The following PCDH15 variants were observed in gnomAD, a reference collection of about 807,000 sequenced individuals.
PCDH15 encodes the protein protocadherin-15.
In PCDH15, 129 loss-of-function variants were observed where a neutral mutation model predicts 178.5. That is an observed-to-expected ratio of 0.72 (90% CI 0.63 to 0.84). The LOEUF is 0.84. PCDH15 is among the 40% of genes least tolerant of loss of function. The pLI, the probability that PCDH15 is intolerant of heterozygous loss-of-function variation, is 0.00. For missense variants in PCDH15, 2,230 were observed against 2,099.9 expected (o/e 1.06, Z -1.21); for synonymous variants, 800 against 732.0 (o/e 1.09, Z -1.50).
chr10:54,153,077 G>T, intron 14 of PCDH15, 23 bp downstream of exon 14: 5 of 1,613,004 alleles, frequency 3.1e-6, no homozygotes, highest in Non-Finnish European at 4.2e-6. Context: ...TGAAAAGACT[G>T]CATTGGTTCT....
chr10:55,320,133 C>G (rs1843850150), upstream of PCDH15, among the ~76,000 whole-genome samples: 1 of 152,174 alleles, frequency 6.6e-6, no homozygotes, highest in Admixed American at 6.5e-5. Flanking sequence ...CGGCCACACA[C>G]CACATCACTT....
At chr10:55,273,591 T>C (rs564430779) in intron 1 of PCDH15, among the ~76,000 whole-genome samples, 2 of 152,028 alleles carry the variant, frequency 1.3e-5, no homozygotes, top group Non-Finnish European at 2.9e-5. Context: ...TATATAGATA[T>C]GTACCTAAGT....
At chr10:55,131,103 T>A (rs1434158719) in intron 2 of PCDH15, among the ~76,000 whole-genome samples, 1 of 152,156 alleles carries the variant, frequency 6.6e-6, no homozygotes, top group Non-Finnish European at 1.5e-5. Flanking sequence ...ATTCTACTGG[T>A]TTAGAAAAAT....
chr10:55,391,343 C>T (rs1837787934), intron 2 of PCDH15, among the ~76,000 whole-genome samples: 1 of 151,752 alleles, frequency 6.6e-6, no homozygotes, highest in African/African-American at 2.4e-5. Flanking sequence ...GAGTTAGGGA[C>T]TTGTTCTGTA....
At chr10:54,862,640 G>A (rs1953863970) in intron 3 of PCDH15, among the ~76,000 whole-genome samples, 2 of 152,192 alleles carry the variant, frequency 1.3e-5, no homozygotes, top group Non-Finnish European at 2.9e-5. Context: ...AAGGGGTTGA[G>A]TAGATTCTGA....
chr10:55,194,149 G>C (rs1840020664), intron 1 of PCDH15, among the ~76,000 whole-genome samples: 1 of 151,920 alleles, frequency 6.6e-6, no homozygotes, highest in South Asian at 2.1e-4. Flanking sequence ...TGGCATGTTG[G>C]TCAAGAACTT....
chr10:54,972,848 CAAAAAAAAAAAAA>C (rs750356955), intron 2 of PCDH15, among the ~76,000 whole-genome samples: 7 of 53,512 alleles, frequency 1.3e-4, no homozygotes, highest in African/African-American at 4.7e-4. Context: ...GACTCCATCT[CAAAAAAAAAAAAA>C]AAAAAAAAAG....
chr10:55,505,301 G>T (rs2132144502), intron 2 of PCDH15, among the ~76,000 whole-genome samples: 1 of 151,340 alleles, frequency 6.6e-6, no homozygotes, highest in South Asian at 2.1e-4. Flanking sequence ...AAGTAACTAT[G>T]ATCTTAGATA....
At chr10:54,634,960 G>A (rs899900770) in intron 2 of PCDH15, among the ~76,000 whole-genome samples, 5 of 151,518 alleles carry the variant, frequency 3.3e-5, no homozygotes, top group Admixed American at 1.3e-4. Flanking sequence ...GCCTCTTTAG[G>A]AAGATAGCAG....
chr10:55,134,551 G>A lies in PCDH15; in HGVS notation c.-80+32025C>T, dbSNP rs541807892. Among the ~76,000 whole-genome samples, 13 of 152,278 alleles carry A rather than the reference G, an allele frequency of 8.5e-5. 1 individual carries two copies. The South Asian group carries it at 2.7e-3, about 32-fold the overall frequency. On this transcript the variant is annotated intron_variant, in intron 2 of 5. Coordinates refer to the PCDH15 transcript ENST00000458638. Reference sequence around the variant, plus strand: ...GTTTATTTTCATCATCATGCAGCTTGTACCTTGTGATGTCCTACTCCATAA... The same window carrying A: ...GTTTATTTTCATCATCATGCAGCTTATACCTTGTGATGTCCTACTCCATAA...
At chr10:54,035,188 G>A (rs770576584) in intron 18 of PCDH15, among the ~76,000 whole-genome samples, 4 of 151,842 alleles carry the variant, frequency 2.6e-5, no homozygotes, top group Middle Eastern at 3.2e-3. Flanking sequence ...CTGTATACTA[G>A]AACTGGAATC....
chr10:54,527,576 TTC>T (rs2083474492), intron 3 of PCDH15, among the ~76,000 whole-genome samples: 1 of 152,102 alleles, frequency 6.6e-6, no homozygotes, highest in Non-Finnish European at 1.5e-5. Flanking sequence ...ATCAAATAAT[TTC>T]TTTTAAACCA....
chr10:55,075,174 T>G (rs1234995745), intron 2 of PCDH15, among the ~76,000 whole-genome samples: 2 of 152,124 alleles, frequency 1.3e-5, no homozygotes, highest in South Asian at 4.1e-4. Flanking sequence ...TTATCCAAAC[T>G]TGGTAGGGTG....
intron 2 of PCDH15, among the ~76,000 whole-genome samples, chr10:54,558,936 C>A (rs1039627953): frequency 6.6e-6 from 1 of 151,990 alleles, no homozygotes; most frequent in African/African-American, 2.4e-5. Flanking sequence ...TCTTTACCAT[C>A]TAAGTACTCA....
At chr10:54,054,259 T>C (rs1280347510) in intron 18 of PCDH15, among the ~76,000 whole-genome samples, 1 of 152,022 alleles carries the variant, frequency 6.6e-6, no homozygotes, top group Admixed American at 6.6e-5. Context: ...GTAATTGCAA[T>C]TGATAAAAAA....
At chr10:54,121,417 G>C (rs778045042) in intron 15 of PCDH15, among the ~76,000 whole-genome samples, 5 of 152,030 alleles carry the variant, frequency 3.3e-5, no homozygotes, top group Non-Finnish European at 7.4e-5. Context: ...CCCAAAGCTA[G>C]AAGGAAAATA....
intron 1 of PCDH15, among the ~76,000 whole-genome samples, chr10:54,769,530 A>G (rs996154640): frequency 3.3e-5 from 5 of 151,706 alleles, no homozygotes; most frequent in African/African-American, 1.2e-4. Flanking sequence ...ACCAAGATAG[A>G]CCATATTTTC....
intron 4 of PCDH15, among the ~76,000 whole-genome samples, chr10:54,369,866 C>T (rs899987601): frequency 5.3e-5 from 8 of 151,794 alleles, no homozygotes; most frequent in African/African-American, 1.5e-4. Flanking sequence ...AATATCAGCC[C>T]ATGTTTATAA....
At chr10:55,233,282 T>C (rs1841279390) in intron 1 of PCDH15, among the ~76,000 whole-genome samples, 1 of 152,146 alleles carries the variant, frequency 6.6e-6, no homozygotes, top group Admixed American at 6.5e-5. Flanking sequence ...TATCAATAGC[T>C]TTGCTTTTAC....
Sources: gnomAD v4.1 joint callset for allele counts (sites outside exome capture counted in the v4.1 genomes callset) on GRCh38, gnomAD v4.1.1 for gene constraint, MANE v1.5 for transcripts, NCBI Gene and HGNC (gene_info 2026-07-23, HGNC 2026-07-21) for gene names.